PKNOX2: variants seen among roughly 807,000 people sequenced by gnomAD.
PKNOX2 encodes the protein PBX/knotted 1 homeobox 2, also known as homeobox protein PKNOX2.
Under a neutral mutation model 53.1 loss-of-function variants are expected in PKNOX2, and 14 were observed. The ratio of observed to expected loss-of-function variants is 0.26; its 90% CI spans 0.17 to 0.41. PKNOX2 has a LOEUF of 0.41. Ranked by LOEUF, PKNOX2 falls within the 10% of genes least tolerant of loss-of-function variation. The pLI, the probability that PKNOX2 is intolerant of heterozygous loss-of-function variation, is 1.00. For synonymous variants in PKNOX2, 257 were observed against 242.8 expected (o/e 1.06, Z -0.54); for missense variants, 496 against 602.8 (o/e 0.82, Z 1.85).
intron 1 of PKNOX2, among the ~76,000 whole-genome samples, chr11:125,233,146 T>C (rs1458426293): frequency 1.3e-5 from 2 of 152,254 alleles, no homozygotes; most frequent in African/African-American, 4.8e-5. Flanking sequence ...ACTTTTAGCC[T>C]GTTCTTTCAG....
At chr11:125,279,230 A>T (rs1426795615) in intron 2 of PKNOX2, among the ~76,000 whole-genome samples, 2 of 152,130 alleles carry the variant, frequency 1.3e-5, no homozygotes, top group Non-Finnish European at 2.9e-5. Context: ...GCAGTGAGCA[A>T]GGTTGTGCCT....
intron 3 of PKNOX2, among the ~76,000 whole-genome samples, chr11:125,338,063 G>T (rs550849179): frequency 3.3e-4 from 51 of 152,350 alleles, no homozygotes; most frequent in African/African-American, 1.1e-3. Flanking sequence ...AGCCGCAGCA[G>T]CTGGCTTCTC....
chr11:125,356,508 T>C lies in PKNOX2; in HGVS notation c.87+5116T>C, dbSNP rs141429262. On this transcript the variant is annotated intron_variant, in intron 4 of 12. Coordinates refer to ENST00000298282, the MANE Select transcript of PKNOX2 (RefSeq NM_001382323.2). ...GCTTGGGGCCCCTTTGCAAAAGCTG[T>C]GTCCCTCCCATTCCCCTCACCCCGA... Among the ~76,000 whole-genome samples, 1,369 of 152,296 alleles carry C rather than the reference T, an allele frequency of 9.0e-3. 16 individuals are homozygous for C. The highest frequency in any genetic ancestry group is 0.03 in the African/African-American group (1,260 of 41,548).
chr11:125,334,822 T>A (rs1950345723), intron 3 of PKNOX2, among the ~76,000 whole-genome samples: 1 of 152,000 alleles, frequency 6.6e-6, no homozygotes, highest in African/African-American at 2.4e-5. Context: ...CAGCCTGGTC[T>A]CTAACTCCTG....
intron 6 of PKNOX2, 98 bp from the exon 7 acceptor site, chr11:125,397,776 G>T: frequency 1.6e-6 from 2 of 1,252,670 alleles, no homozygotes; most frequent in Non-Finnish European, 2.2e-6. Context: ...ACGGCAGGGG[G>T]TGGGCTCCCC....
intron 2 of PKNOX2, among the ~76,000 whole-genome samples, chr11:125,236,318 G>C (rs1049959432): frequency 1.3e-5 from 2 of 150,026 alleles, no homozygotes; most frequent in African/African-American, 4.9e-5. Flanking sequence ...CGGATCTCCA[G>C]GCTGGGGTGT....
At chr11:125,182,074 C>A (rs940373437) in intron 1 of PKNOX2, among the ~76,000 whole-genome samples, 9 of 152,152 alleles carry the variant, frequency 5.9e-5, no homozygotes, top group African/African-American at 2.2e-4. Context: ...CTGATAATGT[C>A]CCTCAATTAT....
At chr11:125,293,807 A>ACACACTCACACACACTCACT (rs962573089) in intron 2 of PKNOX2, among the ~76,000 whole-genome samples, 1 of 136,642 alleles carries the variant, frequency 7.3e-6, no homozygotes, top group Non-Finnish European at 1.5e-5. Flanking sequence ...ACACGCTCAC[A>ACACACTCACACACACTCACT]CACACTCACA....
At chr11:125,364,983 C>G (rs1181086818) in intron 4 of PKNOX2, among the ~76,000 whole-genome samples, 1 of 152,050 alleles carries the variant, frequency 6.6e-6, no homozygotes, top group East Asian at 1.9e-4. Context: ...GGAGGCAGCC[C>G]ATTCCAGCCT....
intron 1 of PKNOX2, among the ~76,000 whole-genome samples, chr11:125,206,027 G>A (rs1404975637): frequency 6.6e-6 from 1 of 152,010 alleles, no homozygotes; most frequent in Non-Finnish European, 1.5e-5. Flanking sequence ...GGGTGATCTG[G>A]GATCTGAAAT....
chr11:125,195,119 A>G (rs905734613), intron 1 of PKNOX2, among the ~76,000 whole-genome samples: 1 of 152,148 alleles, frequency 6.6e-6, no homozygotes, highest in African/African-American at 2.4e-5. Flanking sequence ...TGAACTCTTA[A>G]CCACTCCACA....
intron 2 of PKNOX2, among the ~76,000 whole-genome samples, chr11:125,293,801 G>A (rs770705600): frequency 4.7e-5 from 7 of 149,750 alleles, no homozygotes; most frequent in South Asian, 2.1e-4. Flanking sequence ...ACACACACAC[G>A]CTCACACACA....
intron 10 of PKNOX2, among the ~76,000 whole-genome samples, chr11:125,417,510 C>T (rs1204763343): frequency 6.6e-6 from 1 of 152,020 alleles, no homozygotes; most frequent in Non-Finnish European, 1.5e-5. Context: ...CCTCATTTTA[C>T]CAGTGACAAA....
intron 9 of PKNOX2, 188 bp from the exon 10 acceptor site, chr11:125,411,558 C>T: frequency 1.5e-6 from 1 of 673,006 alleles, no homozygotes; most frequent in Non-Finnish European, 2.5e-6. Context: ...CTTCTCCCAT[C>T]ACCCAAGCCT....
chr11:125,344,591 G>A (rs564326768), intron 3 of PKNOX2, among the ~76,000 whole-genome samples: 8 of 152,300 alleles, frequency 5.3e-5, no homozygotes, highest in East Asian at 3.9e-4. Context: ...CACCAGCATC[G>A]TGATATTAGG....
chr11:125,329,595 T>C (rs1195457142), intron 2 of PKNOX2, among the ~76,000 whole-genome samples: 3 of 152,220 alleles, frequency 2.0e-5, no homozygotes, highest in Non-Finnish European at 4.4e-5. Context: ...ACTAGAGCTT[T>C]CAGAGAATGA....
At chr11:125,334,950 A>G (rs1257146608) in intron 3 of PKNOX2, among the ~76,000 whole-genome samples, 1 of 152,132 alleles carries the variant, frequency 6.6e-6, no homozygotes, top group African/African-American at 2.4e-5. Flanking sequence ...TGTGGTAATC[A>G]TATTTACCTC....
chr11:125,367,822 A>G, intron 4 of PKNOX2, 24 bp from the exon 5 acceptor site: 1 of 1,601,676 alleles, frequency 6.2e-7, no homozygotes, highest in African/African-American at 1.3e-5. Context: ...CTAACCCACC[A>G]CCTCCCCTTT....
chr11:125,383,436 CCT>C (rs1311580052), intron 5 of PKNOX2, among the ~76,000 whole-genome samples: 2 of 133,206 alleles, frequency 1.5e-5, no homozygotes, highest in Admixed American at 7.5e-5. Context: ...GGTGAAATCC[CCT>C]CTCTGCTAAA....
Sources: gnomAD v4.1 joint callset for allele counts (sites outside exome capture counted in the v4.1 genomes callset) on GRCh38, gnomAD v4.1.1 for gene constraint, MANE v1.5 for transcripts, NCBI Gene and HGNC (gene_info 2026-07-23, HGNC 2026-07-21) for gene names.